Variants in CLOCK observed in about 807,000 individuals in gnomAD.
CLOCK encodes the protein clock circadian regulator.
CLOCK carries 43 observed loss-of-function variants against 118.4 expected under a neutral mutation model. The ratio of observed to expected loss-of-function variants is 0.36; its 90% CI spans 0.28 to 0.47. The LOEUF is 0.47. Among genes scored for constraint, CLOCK ranks in the 20% least tolerant of loss-of-function variants. The pLI is 1.00. For missense variants in CLOCK, 846 were observed against 999.9 expected, an observed-to-expected ratio of 0.85 and a Z score of 2.08; for synonymous variants, 326 against 339.2, an observed-to-expected ratio of 0.96 and a Z score of 0.43.
intron 1 of CLOCK, among the ~76,000 whole-genome samples, chr4:55,536,352 C>A (rs144250912): frequency 1.6e-4 from 24 of 152,138 alleles, no homozygotes; most frequent in Non-Finnish European, 3.4e-4. Flanking sequence ...CCCTCCAAAT[C>A]TCATGATGAA....
chr4:55,486,746 G>C (rs544717132), intron 3 of CLOCK, among the ~76,000 whole-genome samples: 1 of 152,072 alleles, frequency 6.6e-6, no homozygotes, highest in Non-Finnish European at 1.5e-5. Flanking sequence ...TCTGATTACT[G>C]ATCCTTTAGA....
chr4:55,492,202 G>C (rs1205274465), intron 2 of CLOCK, among the ~76,000 whole-genome samples: 1 of 151,996 alleles, frequency 6.6e-6, no homozygotes, highest in African/African-American at 2.4e-5. Context: ...ATGACCAGGT[G>C]GTATTTATCC....
At chr4:55,542,798 A>G (rs1160852260) in intron 1 of CLOCK, among the ~76,000 whole-genome samples, 1 of 152,116 alleles carries the variant, frequency 6.6e-6, no homozygotes, top group African/African-American at 2.4e-5. Context: ...GGCTGGTGTA[A>G]TCTACGAGGC....
intron 21 of CLOCK, 118 bp downstream of exon 21, chr4:55,442,314 G>T: frequency 1.2e-6 from 1 of 822,582 alleles, no homozygotes; most frequent in Non-Finnish European, 2.0e-6. Context: ...TAAGAACATT[G>T]GCTGCAGTGA....
At chr4:55,483,391 T>C (rs1030279753) in intron 3 of CLOCK, among the ~76,000 whole-genome samples, 8 of 152,218 alleles carry the variant, frequency 5.3e-5, no homozygotes, top group Admixed American at 5.2e-4. Context: ...CGAGGAAATA[T>C]TCTTGATGAC....
intron 3 of CLOCK, chr4:55,486,314 A>G (rs1727293216): frequency 2.0e-5 from 3 of 152,100 alleles, no homozygotes; most frequent in Admixed American, 2.0e-4. Flanking sequence ...TACACATTCT[A>G]CCAATTTCAC....
At chr4:55,451,070 G>A (rs1327686506) in intron 15 of CLOCK, among the ~76,000 whole-genome samples, 1 of 149,194 alleles carries the variant, frequency 6.7e-6, no homozygotes, top group East Asian at 2.0e-4. Context: ...ATTCCTTTAA[G>A]CCCACTTTCC....
intron 1 of CLOCK, among the ~76,000 whole-genome samples, chr4:55,530,851 T>C (rs1038856017): frequency 6.9e-6 from 1 of 145,508 alleles, no homozygotes; most frequent in African/African-American, 2.5e-5. Flanking sequence ...ATGTCGCATC[T>C]AAGAAACAGT....
chr4:55,447,036 GTTTT>G (rs879389475), intron 18 of CLOCK, among the ~76,000 whole-genome samples: 3 of 145,854 alleles, frequency 2.1e-5, no homozygotes, highest in Non-Finnish European at 3.0e-5. Context: ...ACTCCCTCAA[GTTTT>G]TTTTTTTGTT....
chr4:55,544,079 G>A (rs1731454141), intron 1 of CLOCK, among the ~76,000 whole-genome samples: 1 of 151,532 alleles, frequency 6.6e-6, no homozygotes, highest in Non-Finnish European at 1.5e-5. Context: ...ACAGCTGCCT[G>A]TGCAGTCTTA....
In CLOCK at chr4:55,510,551, C is replaced by T. The variant is rs145339962; in HGVS notation, c.-289-486G>A. On this transcript the variant is annotated intron_variant, in intron 1 of 22. Transcript: ENST00000513440. ...CTGAGGCAGGAGAATAGCTTTAACT[C>T]GGGAGATGGAGGTTCCAGTGAGCCG... Among the ~76,000 whole-genome samples the T allele has an allele frequency of 5.9e-4, 86 of 145,604 alleles. No homozygotes were observed. In the East Asian group the frequency reaches 0.011, roughly 19 times the overall value.
At chr4:55,482,247 C>T (rs1726985024) in intron 4 of CLOCK, among the ~76,000 whole-genome samples, 1 of 152,104 alleles carries the variant, frequency 6.6e-6, no homozygotes, top group Non-Finnish European at 1.5e-5. Context: ...CTGCCCCCTT[C>T]CACCCTCCTC....
At chr4:55,440,957 A>T (rs1323060084) in intron 21 of CLOCK, among the ~76,000 whole-genome samples, 1 of 151,912 alleles carries the variant, frequency 6.6e-6, no homozygotes, top group East Asian at 1.9e-4. Flanking sequence ...AACCCATGAA[A>T]CTGCTTACAA....
At chr4:55,443,559 A>G (rs1723544645) in intron 20 of CLOCK, 128 bp downstream of exon 20, 1 of 765,444 alleles carries the variant, frequency 1.3e-6, no homozygotes, top group Non-Finnish European at 2.3e-6. Flanking sequence ...CACTCTCAAT[A>G]CTATACTTTC....
intron 6 of CLOCK, among the ~76,000 whole-genome samples, chr4:55,476,455 C>G (rs1454185239): frequency 6.6e-6 from 1 of 152,114 alleles, no homozygotes; most frequent in Non-Finnish European, 1.5e-5. Context: ...GGGAAATTAG[C>G]TGAAAAAGGC....
chr4:55,444,643 T>G lies in CLOCK; in HGVS notation c.1682A>C (p.Gln561Pro), dbSNP rs139335390. The change falls in exon 19 of 23, where the codon CAG (glutamine) becomes CCG (proline). Residue 561 changes from glutamine (Q) to proline (P), a missense_variant. Transcript: ENST00000513440. Reference sequence around the variant, plus strand: ...AAATATAACAATTACCTGCAGCCCCTGACCATGGACCATCTGAAGTTGTTC... The same window carrying G: ...AAATATAACAATTACCTGCAGCCCCGGACCATGGACCATCTGAAGTTGTTC... ...IQEQLQMVHGQGLQMFLQQSN... is the reference protein window; with the variant it reads ...IQEQLQMVHGPGLQMFLQQSN... 8 of 1,613,970 alleles carry G rather than the reference T, an allele frequency of 5.0e-6. No individual in the cohort carries two copies. The highest frequency in any genetic ancestry group is 1.3e-5 in the African/African-American group (1 of 74,918).
At chr4:55,466,398 G>A (rs1395003849) in intron 8 of CLOCK, among the ~76,000 whole-genome samples, 5 of 152,094 alleles carry the variant, frequency 3.3e-5, no homozygotes, top group African/African-American at 1.2e-4. Flanking sequence ...ACCCAGTCTT[G>A]GGGAGTCCTT....
At chr4:55,458,854 A>T in intron 11 of CLOCK, 38 bp downstream of exon 11, 1 of 1,452,366 alleles carries the variant, frequency 6.9e-7, no homozygotes, top group African/African-American at 1.4e-5. Context: ...CAGCATATGA[A>T]CTGAAATCCC....
At chr4:55,447,997 CT>C (rs140564505) in intron 18 of CLOCK, among the ~76,000 whole-genome samples, 2 of 151,848 alleles carry the variant, frequency 1.3e-5, no homozygotes, top group East Asian at 1.9e-4. Context: ...ATTACTCCCC[CT>C]TTTTTTTGGC....
Sources: gnomAD v4.1 joint callset for allele counts (sites outside exome capture counted in the v4.1 genomes callset) on GRCh38, gnomAD v4.1.1 for gene constraint, MANE v1.5 for transcripts, NCBI Gene and HGNC (gene_info 2026-07-23, HGNC 2026-07-21) for gene names.